The following KLHL30 variants were observed in gnomAD, a reference collection of about 807,000 sequenced individuals.
KLHL30 encodes the protein kelch like family member 30, also known as kelch-like protein 30.
In KLHL30, 55 loss-of-function variants were observed where a neutral mutation model predicts 55.0. That is an observed-to-expected ratio of 1.00 (90% CI 0.80 to 1.25). KLHL30 has a LOEUF of 1.25. Among genes scored for constraint, KLHL30 ranks in the 50% most tolerant of loss-of-function variants. The pLI is 0.00. For synonymous variants in KLHL30, 356 were observed against 372.6 expected, an observed-to-expected ratio of 0.96 and a Z score of 0.51; for missense variants, 786 against 811.6, an observed-to-expected ratio of 0.97 and a Z score of 0.38.
chr2:238,145,044 A>T (rs13013945), intron 4 of KLHL30, 56 bp downstream of exon 4: 5 of 1,420,512 alleles, frequency 3.5e-6, no homozygotes, highest in Non-Finnish European at 4.9e-6. Flanking sequence ...CACTGGGCTC[A>T]GTGCAACTCC....
At chr2:238,139,754 C>T (rs1692498475) in intron 1 of KLHL30, among the ~76,000 whole-genome samples, 1 of 152,232 alleles carries the variant, frequency 6.6e-6, no homozygotes, top group Non-Finnish European at 1.5e-5. Context: ...GCGAGGCGCC[C>T]CCTAGCGGGC....
intron 3 of KLHL30, 24 bp downstream of exon 3, chr2:238,142,955 A>G (rs1487800642): frequency 1.3e-6 from 2 of 1,501,596 alleles, no homozygotes; most frequent in African/African-American, 3.0e-5. Flanking sequence ...CCGCGTCCAG[A>G]CCCACCTGCT....
At position 238,151,732 on chromosome 2, in the gene KLHL30, G is replaced by T. The variant is rs372603030; in HGVS notation, c.*667G>T. 16 of 246,864 alleles carry T rather than the reference G, an allele frequency of 6.5e-5. No homozygotes were observed. The East Asian group carries it at 1.4e-3, about 22-fold the overall frequency. 15.3% of individuals were successfully genotyped at this position (246,864 alleles called of 1,614,324 possible). ...CCATCTCTTGCACCCAGAGGGCGGT[G>T]CCCACAGAGGCACCAGGAAGGAGGG... On this transcript the variant is annotated 3_prime_UTR_variant, in exon 8 of 8. Coordinates refer to ENST00000409223, the MANE Select transcript of KLHL30 (RefSeq NM_198582.4).
intron 2 of KLHL30, among the ~76,000 whole-genome samples, chr2:238,142,102 T>C (rs1383998969): frequency 2.0e-5 from 3 of 152,270 alleles, no homozygotes; most frequent in South Asian, 2.1e-4. Context: ...CAGGTCATGA[T>C]GGAATGACAG....
rs369471439 is a variant in KLHL30, at chr2:238,145,718, C to T, written c.1036C>T (p.Gln346Ter). The T allele has an allele frequency of 6.3e-7, 1 of 1,590,158 alleles. No homozygotes were observed. Among genetic ancestry groups the T allele is most frequent in the African/African-American group, 1.3e-5 (1 of 74,452 alleles). Reference sequence around the variant, plus strand: ...AAAGACAGACACCTGGTCAACCACCCAGGCCTGGTGCTTCCCCCTGAAGGA... The same window carrying T: ...AAAGACAGACACCTGGTCAACCACCTAGGCCTGGTGCTTCCCCCTGAAGGA... Reference protein sequence around the residue: ...GTKTDTWSTTQAWCFPLKEAS... With the variant: ...GTKTDTWSTT Residue 346 changes from glutamine (Q) to a stop codon, truncating the protein, a stop_gained, in exon 5 of 8, where the codon CAG (glutamine) becomes TAG (stop). Transcript: ENST00000409223. LOFTEE classifies it high-confidence loss of function.
chr2:238,144,442 G>A (rs1286669321), intron 3 of KLHL30, among the ~76,000 whole-genome samples: 1 of 103,966 alleles, frequency 9.6e-6, no homozygotes, highest in Non-Finnish European at 2.2e-5. Context: ...AAGGCAGGCA[G>A]GCAGGCAGGC....
At chr2:238,148,871 A>G (rs1157191916) in intron 6 of KLHL30, 136 bp from the exon 7 acceptor site, 1 of 827,654 alleles carries the variant, frequency 1.2e-6, no homozygotes, top group Non-Finnish European at 1.9e-6. Context: ...CACCGCAGGG[A>G]CCTACTCCCA....
chr2:238,150,735 C>T (rs1692738343), intron 7 of KLHL30, 79 bp from the exon 8 acceptor site: 1 of 1,481,178 alleles, frequency 6.8e-7, no homozygotes, highest in Non-Finnish European at 9.1e-7. Context: ...TCTGCCACTC[C>T]CCCGACCCTG....
Position 238,150,343 on chromosome 2 carries a change from C to T in KLHL30, c.1486-471C>T, listed in dbSNP as rs192030989. On this transcript the variant is annotated intron_variant, in intron 7 of 7. Coordinates refer to ENST00000409223, the MANE Select transcript of KLHL30 (RefSeq NM_198582.4). ...TCTCTCCAGCCTCTGGAAAGCCACC[C>T]GCCCTCACCCCACAACCCCTCCCAG... is the stretch of plus-strand genomic sequence containing the variant. Among the ~76,000 whole-genome samples the T allele has an allele frequency of 7.9e-3, 1,201 of 152,338 alleles. 10 individuals carry two copies. The highest frequency in any genetic ancestry group is 0.027 in the African/African-American group (1,119 of 41,584).
At chr2:238,141,728 G>A (rs1311124119) in intron 2 of KLHL30, among the ~76,000 whole-genome samples, 200 bp downstream of exon 2, 2 of 152,262 alleles carry the variant, frequency 1.3e-5, no homozygotes, top group African/African-American at 4.8e-5. Flanking sequence ...TGTGTGTCAC[G>A]CCCTGTGTGC....
intron 7 of KLHL30, among the ~76,000 whole-genome samples, chr2:238,150,217 C>T (rs1692725553): frequency 6.6e-6 from 1 of 152,176 alleles, no homozygotes; most frequent in African/African-American, 2.4e-5. Context: ...TCTGCCTTAC[C>T]CTCTCCAGGC....
chr2:238,140,397 G>T (rs1692509884), intron 1 of KLHL30, among the ~76,000 whole-genome samples: 1 of 152,180 alleles, frequency 6.6e-6, no homozygotes. Context: ...GACACCCAGG[G>T]CATGGGTTCT....
Position 238,141,024 on chromosome 2 carries a change from C to T in KLHL30, c.270C>T (p.Phe90=), listed in dbSNP as rs1445855563. The T allele has an allele frequency of 7.4e-6, 12 of 1,612,302 alleles. No homozygotes were observed. The highest frequency in any genetic ancestry group is 2.7e-5 in the African/African-American group (2 of 74,930). ...CCGTGGTGGGACAACTGGTGGACTTCGTGTACACAGGCCGGCTGACCATCA... is the reference window on the plus strand; with the variant it reads ...CCGTGGTGGGACAACTGGTGGACTTTGTGTACACAGGCCGGCTGACCATCA... ...EPAVVGQLVD[F]VYTGRLTITQ... Residue 90 remains phenylalanine (F), a synonymous_variant, in exon 2 of 8, where the codon TTC becomes TTT. Coordinates refer to ENST00000409223, the MANE Select transcript of KLHL30 (RefSeq NM_198582.4).
At position 238,142,848 on chromosome 2, in the gene KLHL30, G is replaced by A. The variant is rs1342430259; in HGVS notation, c.824G>A (p.Gly275Asp). 6.8e-7 allele frequency: 1 copy of A among 1,460,688 alleles called. No homozygotes were observed. Among genetic ancestry groups the A allele is most frequent in the East Asian group, 2.7e-5 (1 of 36,384 alleles). The allele number at this position is 1,460,688 out of a possible 1,614,324, so 90.5% of individuals were successfully genotyped here. Reference sequence around the variant, plus strand: ...CTGGAGGAGGTCCTGGTGGTGGTGGGCGGGCAGGCGCTGGAGGAGGAGGAG... The same window carrying A: ...CTGGAGGAGGTCCTGGTGGTGGTGGACGGGCAGGCGCTGGAGGAGGAGGAG... The part of the protein sequence containing the change: ...QKLEEVLVVV[G>D]GQALEEEEAG... The change falls in exon 3 of 8, where the codon GGC becomes GAC. Residue 275 changes from glycine (G) to aspartate (D), a missense_variant. Physicochemically the swap from Gly to Asp is moderately conservative, Grantham distance 94. Transcript: ENST00000409223.
At position 238,148,032 on chromosome 2, in the gene KLHL30, G is replaced by A. The variant is rs1175926993; in HGVS notation, c.1339+10G>A. 6 of 1,404,246 alleles carry A rather than the reference G, an allele frequency of 4.3e-6. No individual in the cohort carries two copies. The highest frequency in any genetic ancestry group is 5.6e-6 in the Non-Finnish European group (6 of 1,068,048). The allele number at this position is 1,404,246 out of a possible 1,614,324, so 87.0% of individuals were successfully genotyped here. A position where few individuals can be genotyped will look rare whatever the true frequency, so the allele number is the denominator to read the frequency against. ...TACAACCCTGTCACAGGTGGGTGGG[G>A]CTCAGGGACCGAGGATAGAGGACCA... On this transcript the variant is annotated intron_variant, in intron 6 of 7. Coordinates refer to ENST00000409223, the MANE Select transcript of KLHL30 (RefSeq NM_198582.4).
chr2:238,148,065 C>A (rs1372553401), intron 6 of KLHL30, 43 bp downstream of exon 6: 7 of 1,337,240 alleles, frequency 5.2e-6, no homozygotes. Flanking sequence ...CCACAGGCCC[C>A]TCTGACAGGC....
In KLHL30 at chr2:238,141,715, C is replaced by G. The variant is rs4144851; in HGVS notation, c.774+187C>G. Among the ~76,000 whole-genome samples, 124,874 of 152,234 alleles carry G rather than the reference C, an allele frequency of 0.82. 51,787 individuals carry two copies. Among genetic ancestry groups the G allele is most frequent in the African/African-American group, 0.94 (39,229 of 41,552 alleles). On this transcript the variant is annotated intron_variant, in intron 2 of 7. Transcript: ENST00000409223. ...CAGCCCTCAAGTGCAGATCATGCCTCTGTGTGTGTCACGCCCTGTGTGCAA... is the reference window on the plus strand; with the variant it reads ...CAGCCCTCAAGTGCAGATCATGCCTGTGTGTGTGTCACGCCCTGTGTGCAA...
At position 238,141,162 on chromosome 2, in the gene KLHL30, G is replaced by A. The variant is rs1228166649; in HGVS notation, c.408G>A (p.Leu136=). The change falls in exon 2 of 8, where the codon CTG becomes CTA. Residue 136 remains leucine (L), a synonymous_variant. Coordinates refer to ENST00000409223, the MANE Select transcript of KLHL30 (RefSeq NM_198582.4). ...AGCAACTGGATGCCGCCAACTGCCTGGGCATCTGTGAGTTCGGGGAGCAGC... is the reference window on the plus strand; with the variant it reads ...AGCAACTGGATGCCGCCAACTGCCTAGGCATCTGTGAGTTCGGGGAGCAGC... ...LQQQLDAANC[L]GICEFGEQQG... is the part of the protein sequence containing the mutation. The A allele has an allele frequency of 6.2e-7, 1 of 1,611,882 alleles. No homozygotes were observed. The highest frequency in any genetic ancestry group is 8.5e-7 in the Non-Finnish European group (1 of 1,179,562).
Sources: gnomAD v4.1 joint callset for allele counts (sites outside exome capture counted in the v4.1 genomes callset) on GRCh38, gnomAD v4.1.1 for gene constraint, MANE v1.5 for transcripts, NCBI Gene and HGNC (gene_info 2026-07-23, HGNC 2026-07-21) for gene names.